The following GRIA1 variants were observed in gnomAD, a reference collection of about 807,000 sequenced individuals.
The protein encoded by GRIA1 is glutamate ionotropic receptor AMPA type subunit 1, also known as glutamate receptor 1.
Under a neutral mutation model 99.2 loss-of-function variants are expected in GRIA1, and 31 were observed. The ratio of observed to expected loss-of-function variants is 0.31; its 90% CI spans 0.23 to 0.42. The LOEUF is 0.42. Among genes scored for constraint, GRIA1 ranks in the 10% least tolerant of loss-of-function variants. The pLI, the probability that GRIA1 is intolerant of heterozygous loss-of-function variation, is 1.00. For missense variants in GRIA1, 782 were observed against 1,157.5 expected (o/e 0.68, Z 4.71); for synonymous variants, 438 against 432.4 (o/e 1.01, Z -0.16).
intron 2 of GRIA1, among the ~76,000 whole-genome samples, chr5:153,543,519 A>G (rs1007108867): frequency 6.6e-6 from 1 of 152,204 alleles, no homozygotes; most frequent in Non-Finnish European, 1.5e-5. Flanking sequence ...AGAATTTGAT[A>G]CAGGCCATAT....
At chr5:153,589,340 AAATGTGAATT>A (rs1763763718) in intron 2 of GRIA1, among the ~76,000 whole-genome samples, 2 of 152,190 alleles carry the variant, frequency 1.3e-5, no homozygotes, top group Non-Finnish European at 2.9e-5. Context: ...TTATCTCTTC[AAATGTGAATT>A]AATTTATACA....
At chr5:153,739,144 C>T (rs2149571582) in intron 11 of GRIA1, among the ~76,000 whole-genome samples, 1 of 152,006 alleles carries the variant, frequency 6.6e-6, no homozygotes, top group Non-Finnish European at 1.5e-5. Flanking sequence ...CACCTTGCTG[C>T]TGCAAACTCC....
At chr5:153,539,520 A>G (rs1755608757) in intron 2 of GRIA1, among the ~76,000 whole-genome samples, 1 of 152,226 alleles carries the variant, frequency 6.6e-6, no homozygotes, top group Non-Finnish European at 1.5e-5. Context: ...CCTGGGTTCT[A>G]GTCTTTACTG....
In GRIA1 at chr5:153,778,284, G is replaced by A. The variant is rs570892696; in HGVS notation, c.2270+7869G>A. Among the ~76,000 whole-genome samples, 8 of 151,808 alleles carry A rather than the reference G, an allele frequency of 5.3e-5. No homozygotes were observed. In the South Asian group the frequency reaches 1.3e-3, roughly 24 times the overall value. On this transcript the variant is annotated intron_variant, in intron 13 of 15. Transcript: ENST00000285900. ...AAGCTTTCTCAGGTCAAGACATGTG[G>A]GATGCATTTCAGAGAGTACCAAGAA...
chr5:153,543,508 CA>C lies in GRIA1; in HGVS notation c.220+49444del, dbSNP rs1759329473. Reference sequence around the variant, plus strand: ...TACATTTAGTAAACTAAGACAAAGTCAGAATTTGATACAGGCCATATGATGT... The same window carrying C: ...TACATTTAGTAAACTAAGACAAAGTCGAATTTGATACAGGCCATATGATGT... On this transcript the variant is annotated intron_variant, in intron 2 of 15. Coordinates refer to ENST00000285900, the MANE Select transcript of GRIA1 (RefSeq NM_000827.4). Among the ~76,000 whole-genome samples the C allele has an allele frequency of 2.0e-5, 3 of 151,984 alleles. 1 individual carries two copies. The South Asian group carries it at 6.2e-4, about 32-fold the overall frequency.
Position 153,498,572 on chromosome 5 carries a change from G to A in GRIA1, c.220+4507G>A, listed in dbSNP as rs532729358. Among the ~76,000 whole-genome samples the A allele has an allele frequency of 9.9e-5, 15 of 152,244 alleles. No homozygotes were observed. In the South Asian group the frequency reaches 3.1e-3, roughly 32 times the overall value. Reference sequence around the variant, plus strand: ...TCATGGACCTACTGGGGAAGCCCAGGGGCTTCCTAACAAGACATTAGGCAC... The same window carrying A: ...TCATGGACCTACTGGGGAAGCCCAGAGGCTTCCTAACAAGACATTAGGCAC... On this transcript the variant is annotated intron_variant, in intron 2 of 15. Transcript: ENST00000285900.
chr5:153,521,598 C>T (rs1245765527), intron 2 of GRIA1, among the ~76,000 whole-genome samples: 1 of 152,060 alleles, frequency 6.6e-6, no homozygotes, highest in Non-Finnish European at 1.5e-5. Flanking sequence ...CTTCCCAGAG[C>T]CTTTTGGGAG....
In GRIA1 at chr5:153,764,460, G is replaced by A; in HGVS notation, c.1850G>A (p.Gly617Asp). 6.2e-7 allele frequency: 1 copy of A among 1,614,016 alleles called. No individual in the cohort carries two copies. ...TCCCTGTCTGGTCGCATCGTTGGTG[G>A]CGTCTGGTGGTTCTTCACCTTAATC... is the stretch of plus-strand genomic sequence containing the variant. ...PRSLSGRIVG[G>D]VWWFFTLIII... The change falls in exon 12 of 16, where the codon GGC becomes GAC. Residue 617 changes from glycine to aspartate, a missense_variant. Physicochemically the swap from Gly to Asp is moderately conservative, Grantham distance 94 (BLOSUM62 -1). Around this residue, in one of 5 missense-constraint regions of GRIA1, gnomAD observed 119 missense variants for 326.6 expected, o/e 0.36. Coordinates refer to ENST00000285900, the MANE Select transcript of GRIA1 (RefSeq NM_000827.4).
chr5:153,641,775 C>G lies in GRIA1; in HGVS notation c.221-5153C>G, dbSNP rs138517717. 2.9e-4 allele frequency among the ~76,000 whole-genome samples: 44 copies of G among 152,342 alleles called. No homozygotes were observed. In the East Asian group the frequency reaches 6.4e-3, roughly 22 times the overall value. On this transcript the variant is annotated intron_variant, in intron 2 of 15. Transcript: ENST00000285900. ...CAAAGCTGGCACTTCCTCTTGGAAGCTTTCTTTGAGGTCCCCAAAGGATGG... is the reference window on the plus strand; with the variant it reads ...CAAAGCTGGCACTTCCTCTTGGAAGGTTTCTTTGAGGTCCCCAAAGGATGG...
At chr5:153,809,923 C>T (rs982226973) in intron 15 of GRIA1, among the ~76,000 whole-genome samples, 3 of 152,142 alleles carry the variant, frequency 2.0e-5, no homozygotes, top group Non-Finnish European at 4.4e-5. Flanking sequence ...GTCCCATTGA[C>T]AATTCTTTAT....
intron 14 of GRIA1, 128 bp from the exon 15 acceptor site, chr5:153,802,228 T>C: frequency 5.6e-6 from 4 of 713,224 alleles, no homozygotes; most frequent in Non-Finnish European, 9.6e-6. Flanking sequence ...TATCCAGCTA[T>C]TGCAAATGTT....
At position 153,623,472 on chromosome 5, in the gene GRIA1, A is replaced by G. The variant is rs187445015; in HGVS notation, c.221-23456A>G. ...AGCAAGTGACAGCCCAGGATGGAGC[A>G]TTCAGTAAAAAAGAGAATAAAGTTT... On this transcript the variant is annotated intron_variant, in intron 2 of 15. Coordinates refer to ENST00000285900, the MANE Select transcript of GRIA1 (RefSeq NM_000827.4). Among the ~76,000 whole-genome samples the G allele has an allele frequency of 1.1e-3, 173 of 152,328 alleles. 1 individual carries two copies. Among genetic ancestry groups the G allele is most frequent in the African/African-American group, 4.1e-3 (170 of 41,576 alleles).
rs188467300 is a variant in GRIA1, at chr5:153,569,558, C to T, written c.220+75493C>T. Among the ~76,000 whole-genome samples, 799 of 151,946 alleles carry T rather than the reference C, an allele frequency of 5.3e-3. 9 individuals are homozygous for T. The highest frequency in any genetic ancestry group is 0.018 in the African/African-American group (757 of 41,218). On this transcript the variant is annotated intron_variant, in intron 2 of 15. Coordinates refer to ENST00000285900, the MANE Select transcript of GRIA1 (RefSeq NM_000827.4). The stretch of plus-strand genomic sequence containing the variant: ...CCCGATTGAGCCTGGCCCGCCTGAA[C>T]CTGGGATAGCCCAGATATAAAATGA...
chr5:153,686,138 G>A (rs895702030), intron 7 of GRIA1, 87 bp from the exon 8 acceptor site: 2 of 942,438 alleles, frequency 2.1e-6, no homozygotes, highest in African/African-American at 3.2e-5. Context: ...AACACTCTTG[G>A]GTTCTGAATT....
At chr5:153,738,259 C>T (rs1761530551) in intron 11 of GRIA1, among the ~76,000 whole-genome samples, 1 of 152,204 alleles carries the variant, frequency 6.6e-6, no homozygotes, top group Non-Finnish European at 1.5e-5. Context: ...GTTTTCTCTT[C>T]TAGTGCTTCC....
chr5:153,768,025 C>T (rs1360427548), intron 12 of GRIA1, among the ~76,000 whole-genome samples: 1 of 152,172 alleles, frequency 6.6e-6, no homozygotes, highest in Non-Finnish European at 1.5e-5. Flanking sequence ...CAGCCCAGTT[C>T]CCTGCTGTGT....
chr5:153,508,409 A>G (rs1018661145), intron 2 of GRIA1, among the ~76,000 whole-genome samples: 3 of 152,210 alleles, frequency 2.0e-5, no homozygotes, highest in Admixed American at 1.3e-4. Context: ...TGACTGTCAT[A>G]TTAGACAGTG....
At chr5:153,772,830 C>T (rs1763969766) in intron 13 of GRIA1, among the ~76,000 whole-genome samples, 3 of 152,122 alleles carry the variant, frequency 2.0e-5, no homozygotes, top group Admixed American at 6.5e-5. Flanking sequence ...ATCAGTGATA[C>T]CTCAATATTA....
intron 2 of GRIA1, among the ~76,000 whole-genome samples, chr5:153,599,872 G>C (rs749728217): frequency 6.6e-6 from 1 of 151,982 alleles, no homozygotes; most frequent in Non-Finnish European, 1.5e-5. Flanking sequence ...AATGAAGGGA[G>C]GGGAAAAGAA....
Sources: allele counts gnomAD v4.1 joint callset (sites outside exome capture counted in the v4.1 genomes callset), GRCh38; gene constraint gnomAD v4.1.1; regional missense constraint gnomAD v4.1.1; transcripts MANE v1.5; gene names NCBI Gene and HGNC (gene_info 2026-07-23, HGNC 2026-07-21).